CLASP2: variants seen among roughly 807,000 people sequenced by gnomAD.
The protein encoded by CLASP2 is CLIP-associating protein 2.
Under a neutral mutation model 194.4 loss-of-function variants are expected in CLASP2, and 47 were observed. That is an observed-to-expected ratio of 0.24 (90% CI 0.19 to 0.31). CLASP2 has a LOEUF of 0.31. CLASP2 is among the 10% of genes least tolerant of loss of function. The probability of loss-of-function intolerance (pLI) is 1.00; values close to 1 mark genes in which losing one functional copy is unlikely to be tolerated. For synonymous variants in CLASP2, 619 were observed against 633.5 expected (o/e 0.98, Z 0.34); for missense variants, 1,445 against 1,823.6 (o/e 0.79, Z 3.78).
intron 7 of CLASP2, among the ~76,000 whole-genome samples, chr3:33,656,777 T>G (rs1006657406): frequency 4.0e-5 from 6 of 150,760 alleles, no homozygotes; most frequent in African/African-American, 1.5e-4. Flanking sequence ...TAGAATACTA[T>G]GCAACCGTTT....
intron 36 of CLASP2, among the ~76,000 whole-genome samples, chr3:33,513,475 T>C (rs1031987991): frequency 1.3e-5 from 2 of 152,126 alleles, no homozygotes; most frequent in African/African-American, 4.8e-5. Flanking sequence ...AGGGTTGCAG[T>C]GAGCTGAGAT....
chr3:33,501,846 C>T, intron 37 of CLASP2, 78 bp from the exon 38 acceptor site: 2 of 885,080 alleles, frequency 2.3e-6, no homozygotes, highest in South Asian at 1.4e-5. Flanking sequence ...TCAGAAGATG[C>T]AGCTGAAAGA....
In CLASP2 at chr3:33,682,493, T is replaced by C. The variant is rs1453154868; in HGVS notation, c.644+1866A>G. Among the ~76,000 whole-genome samples, 6 of 152,312 alleles carry C rather than the reference T, an allele frequency of 3.9e-5. No individual in the cohort carries two copies. The East Asian group carries it at 1.2e-3, about 29-fold the overall frequency. ...ATTTTATTCCACCTACTTGAGTATT[T>C]GTTTGAAATGCTAAATACCCTAATA... On this transcript the variant is annotated intron_variant, in intron 6 of 38. Coordinates refer to ENST00000682230, the MANE Select transcript of CLASP2 (RefSeq NM_001365631.1).
intron 25 of CLASP2, among the ~76,000 whole-genome samples, chr3:33,571,100 G>A (rs1393868502): frequency 1.3e-5 from 2 of 148,278 alleles, no homozygotes; most frequent in African/African-American, 2.5e-5. Context: ...TGCAGGCTCC[G>A]CCCCCCGGGT....
rs945886285 is a variant in CLASP2 at position 33,497,650 on chromosome 3, A to G, written c.*981T>C. On this transcript the variant is annotated 3_prime_UTR_variant, in exon 39 of 39. Coordinates refer to ENST00000682230, the MANE Select transcript of CLASP2 (RefSeq NM_001365631.1). ...TAAGACAATTTCATGGTAAAAGGAA[A>G]CCAGGTTCCACCATTTAAAGAAAAG... 1.3e-5 allele frequency: 2 copies of G among 152,616 alleles called. No individual in the cohort carries two copies. The highest frequency in any genetic ancestry group is 2.9e-5 in the Non-Finnish European group (2 of 68,038). The allele number at this position is 152,616 out of a possible 1,614,324, so 9.5% of individuals were successfully genotyped here.
At chr3:33,600,521 C>T (rs954339202) in intron 18 of CLASP2, among the ~76,000 whole-genome samples, 3 of 152,146 alleles carry the variant, frequency 2.0e-5, no homozygotes, top group African/African-American at 7.2e-5. Flanking sequence ...GTTGACTGGT[C>T]TTCACATACT....
At chr3:33,717,010 G>C (rs1315887671) in intron 1 of CLASP2, among the ~76,000 whole-genome samples, 1 of 152,190 alleles carries the variant, frequency 6.6e-6, no homozygotes, top group Non-Finnish European at 1.5e-5. Context: ...TACGGGGCAA[G>C]TTAAATACAA....
chr3:33,559,547 T>C (rs2061468694), intron 28 of CLASP2, among the ~76,000 whole-genome samples, 162 bp from the exon 29 acceptor site: 1 of 152,184 alleles, frequency 6.6e-6, no homozygotes, highest in African/African-American at 2.4e-5. Context: ...ATACAATAAA[T>C]GCATCCTCAG....
chr3:33,571,569 A>G (rs571940281), intron 25 of CLASP2, among the ~76,000 whole-genome samples: 4 of 151,204 alleles, frequency 2.6e-5, no homozygotes, highest in Admixed American at 1.3e-4. Flanking sequence ...CGGGGGGCAG[A>G]GGTTGCACTG....
At chr3:33,633,780 A>T (rs2079567900) in intron 8 of CLASP2, among the ~76,000 whole-genome samples, 1 of 152,206 alleles carries the variant, frequency 6.6e-6, no homozygotes, top group Non-Finnish European at 1.5e-5. Flanking sequence ...AATTAAACAT[A>T]TTTAAGAACA....
intron 29 of CLASP2, among the ~76,000 whole-genome samples, chr3:33,552,270 C>T (rs912001888): frequency 2.0e-5 from 3 of 152,042 alleles, no homozygotes; most frequent in Non-Finnish European, 4.4e-5. Flanking sequence ...AGGCGCCCGC[C>T]ACTACACCCA....
At chr3:33,648,627 A>C (rs2082674143) in intron 7 of CLASP2, among the ~76,000 whole-genome samples, 1 of 152,236 alleles carries the variant, frequency 6.6e-6, no homozygotes, top group African/African-American at 2.4e-5. Context: ...ATTCATTATC[A>C]CTAGCCCTAA....
chr3:33,577,289 C>T, intron 23 of CLASP2: 2 of 1,584,376 alleles, frequency 1.3e-6, no homozygotes, highest in Non-Finnish European at 1.7e-6. Context: ...CCATACAAAC[C>T]TCATCTATTA....
chr3:33,538,444 A>G (rs776540036), intron 33 of CLASP2, among the ~76,000 whole-genome samples: 1 of 152,210 alleles, frequency 6.6e-6, no homozygotes, highest in Non-Finnish European at 1.5e-5. Flanking sequence ...CTCTATATGA[A>G]AAATCTAAAA....
intron 7 of CLASP2, among the ~76,000 whole-genome samples, chr3:33,646,462 A>G (rs761603852): frequency 1.6e-4 from 24 of 152,152 alleles, no homozygotes; most frequent in Non-Finnish European, 2.9e-4. Context: ...CAGTACATAG[A>G]CGGCTTTGTT....
At chr3:33,538,175 T>C (rs573496894) in intron 33 of CLASP2, among the ~76,000 whole-genome samples, 2 of 151,866 alleles carry the variant, frequency 1.3e-5, no homozygotes, top group South Asian at 2.1e-4. Context: ...ATCTGGCCCA[T>C]GTTCCACTCC....
intron 11 of CLASP2, among the ~76,000 whole-genome samples, chr3:33,621,268 T>C (rs953172549): frequency 7.2e-5 from 11 of 152,170 alleles, no homozygotes; most frequent in African/African-American, 2.7e-4. Context: ...TGGAAACAGA[T>C]GTTTTACATA....
chr3:33,524,961 C>T (rs2054116126), intron 34 of CLASP2, among the ~76,000 whole-genome samples: 1 of 152,142 alleles, frequency 6.6e-6, no homozygotes, highest in East Asian at 1.9e-4. Flanking sequence ...TACAATAAAA[C>T]AACTACATCC....
At chr3:33,562,728 T>C (rs1176552075) in intron 27 of CLASP2, among the ~76,000 whole-genome samples, 1 of 152,190 alleles carries the variant, frequency 6.6e-6, no homozygotes, top group East Asian at 1.9e-4. Context: ...AGCTTTCCTA[T>C]ATGAAAATCC....
Sources: gnomAD v4.1 joint callset for allele counts (sites outside exome capture counted in the v4.1 genomes callset) on GRCh38, gnomAD v4.1.1 for gene constraint, MANE v1.5 for transcripts, NCBI Gene and HGNC (gene_info 2026-07-23, HGNC 2026-07-21) for gene names.